UGGT2: variants seen among roughly 807,000 people sequenced by gnomAD.
The protein encoded by UGGT2 is UDP-glucose:glycoprotein glucosyltransferase 2.
Under a neutral mutation model 192.1 loss-of-function variants are expected in UGGT2, and 180 were observed. The ratio of observed to expected loss-of-function variants is 0.94; its 90% CI spans 0.83 to 1.06. The LOEUF (loss-of-function observed/expected upper bound fraction) is 1.06, where lower values mean the gene tolerates loss of function less well. Among genes scored for constraint, UGGT2 ranks in the 50% least tolerant of loss-of-function variants. The pLI is 0.00. For synonymous variants in UGGT2, 580 were observed against 591.0 expected (o/e 0.98, Z 0.27); for missense variants, 1,849 against 1,795.7 (o/e 1.03, Z -0.54).
intron 5 of UGGT2, among the ~76,000 whole-genome samples, chr13:96,008,017 C>A (rs985877958): frequency 2.6e-5 from 4 of 152,136 alleles, no homozygotes; most frequent in Admixed American, 6.5e-5. Context: ...CTATCTCTCA[C>A]CATATACAAA....
Position 95,986,440 on chromosome 13 carries a change from GA to G in UGGT2, c.932-9del, listed in dbSNP as rs1233399152. Reference sequence around the variant, plus strand: ...CTGCTTGAAAACTAAGATCTGGAAGGAAAAATATTATTAAGGAATCTAGCAT... The same window carrying G: ...CTGCTTGAAAACTAAGATCTGGAAGGAAAATATTATTAAGGAATCTAGCAT... On this transcript the variant is annotated splice_polypyrimidine_tract_variant and intron_variant, in intron 8 of 38. Coordinates refer to ENST00000376747, the MANE Select transcript of UGGT2 (RefSeq NM_020121.4). 1.2e-5 allele frequency: 19 copies of G among 1,556,444 alleles called. No individual in the cohort carries two copies. In the African/African-American group the frequency reaches 2.3e-4, roughly 19 times the overall value.
intron 33 of UGGT2, 112 bp downstream of exon 33, chr13:95,859,479 C>A: frequency 7.0e-6 from 6 of 861,682 alleles, no homozygotes; most frequent in South Asian, 3.7e-5. Flanking sequence ...TACTAAATAC[C>A]ATTTTTTCAA....
chr13:95,992,163 C>T (rs900153332), intron 7 of UGGT2, among the ~76,000 whole-genome samples: 3 of 151,796 alleles, frequency 2.0e-5, no homozygotes, highest in African/African-American at 4.8e-5. Context: ...AGCTAGACTC[C>T]GTCTCAAAGA....
In UGGT2 at chr13:95,849,518, G is replaced by A. The variant is rs141916474; in HGVS notation, c.4284+4025C>T. On this transcript the variant is annotated intron_variant, in intron 36 of 38. Coordinates refer to ENST00000376747, the MANE Select transcript of UGGT2 (RefSeq NM_020121.4). ...AGATAGTGCCATTGCACTCCGGCCT[G>A]GGCAACAGAGTGAGACTCTGTCTCA... Among the ~76,000 whole-genome samples the A allele has an allele frequency of 6.7e-5, 10 of 149,600 alleles. No homozygotes were observed. The East Asian group carries it at 2.0e-3, about 29-fold the overall frequency.
Position 95,879,895 on chromosome 13 carries a change from A to AT in UGGT2, c.3229-2040dup, listed in dbSNP as rs77881466. Among the ~76,000 whole-genome samples, 11 of 151,828 alleles carry AT rather than the reference A, an allele frequency of 7.2e-5. No individual in the cohort carries two copies. The South Asian group carries it at 8.3e-4, about 11-fold the overall frequency. On this transcript the variant is annotated intron_variant, in intron 27 of 38. Transcript: ENST00000376747. ...CAAATATAACCTTGAGAATGTATTA[A>AT]TTTTTTTTTATTATACTTTAAATTC...
chr13:95,872,129 C>T (rs1891277744), intron 29 of UGGT2, among the ~76,000 whole-genome samples: 1 of 152,212 alleles, frequency 6.6e-6, no homozygotes, highest in African/African-American at 2.4e-5. Context: ...ATCTAATATT[C>T]TCTACAATTA....
At chr13:95,977,634 C>A (rs1203148347) in intron 10 of UGGT2, among the ~76,000 whole-genome samples, 4 of 152,060 alleles carry the variant, frequency 2.6e-5, no homozygotes, top group African/African-American at 9.7e-5. Flanking sequence ...AAGACAGTGT[C>A]GATTCCTCAA....
chr13:96,040,907 T>C (rs2053146555), intron 1 of UGGT2, among the ~76,000 whole-genome samples: 1 of 152,084 alleles, frequency 6.6e-6, no homozygotes, highest in Admixed American at 6.6e-5. Flanking sequence ...TGGAGCTAAG[T>C]GTGAGATCAG....
Position 95,902,774 on chromosome 13 carries a change from C to G in UGGT2, c.2502+80G>C. 6.8e-6 allele frequency: 9 copies of G among 1,330,134 alleles called. No homozygotes were observed. In the South Asian group the frequency reaches 1.3e-4, roughly 19 times the overall value. The allele number at this position is 1,330,134 out of a possible 1,614,324, so 82.4% of individuals were successfully genotyped here. On this transcript the variant is annotated intron_variant, in intron 21 of 38. Coordinates refer to ENST00000376747, the MANE Select transcript of UGGT2 (RefSeq NM_020121.4). ...TTTGTTTAAATCTACCATTGTTTTT[C>G]AGTAACAATATCTCCAAATACACTC...
At position 95,837,182 on chromosome 13, in the gene UGGT2, A is replaced by T. The variant is rs1887383205; in HGVS notation, c.4305T>A (p.Ile1435=). 1.2e-6 allele frequency: 2 copies of T among 1,613,494 alleles called. No individual in the cohort carries two copies. Among genetic ancestry groups the T allele is most frequent in the Admixed American group, 1.7e-5 (1 of 59,966 alleles). ...NLDQDLPNNM[I]YQVAIKSLPQ... ...GAAGAGACTTAATGGCGACTTGGTA[A>T]ATCATATTATTGGGGAGATCCTACA... is the stretch of plus-strand genomic sequence containing the variant. Residue 1435 remains isoleucine (I), a synonymous_variant, in exon 37 of 39, where the codon ATT becomes ATA. Coordinates refer to ENST00000376747, the MANE Select transcript of UGGT2 (RefSeq NM_020121.4).
chr13:95,802,440 C>T (rs1884102668), intron 38 of UGGT2, among the ~76,000 whole-genome samples: 1 of 152,068 alleles, frequency 6.6e-6, no homozygotes, highest in Admixed American at 6.5e-5. Context: ...TTCAAGATGG[C>T]AGACTATATT....
At chr13:95,993,234 G>T (rs1242575516) in intron 7 of UGGT2, among the ~76,000 whole-genome samples, 1 of 152,018 alleles carries the variant, frequency 6.6e-6, no homozygotes, top group East Asian at 1.9e-4. Flanking sequence ...TAGATACTGG[G>T]GTCTATTAGA....
At chr13:95,990,975 T>C (rs1017061819) in intron 7 of UGGT2, 4 of 152,314 alleles carry the variant, frequency 2.6e-5, no homozygotes, top group East Asian at 1.9e-4. Context: ...CATGTGGTGT[T>C]TGGTTTTCTG....
chr13:95,947,881 C>A, intron 14 of UGGT2, 115 bp downstream of exon 14: 1 of 732,260 alleles, frequency 1.4e-6, no homozygotes, highest in Admixed American at 2.5e-5. Context: ...TGTGTTATGT[C>A]AGGCACTAGA....
At chr13:95,942,180 G>A (rs1041954948) in intron 15 of UGGT2, among the ~76,000 whole-genome samples, 7 of 150,908 alleles carry the variant, frequency 4.6e-5, no homozygotes, top group Non-Finnish European at 8.8e-5. Flanking sequence ...GCTAACAATA[G>A]CCTCCTAAGG....
At chr13:95,905,904 G>C (rs576261806) in intron 20 of UGGT2, among the ~76,000 whole-genome samples, 1 of 151,984 alleles carries the variant, frequency 6.6e-6, no homozygotes, top group African/African-American at 2.4e-5. Context: ...CGTGAAAAGG[G>C]GGAAGTGTCA....
At chr13:95,953,161 T>A (rs1405939364) in intron 12 of UGGT2, among the ~76,000 whole-genome samples, 1 of 152,222 alleles carries the variant, frequency 6.6e-6, no homozygotes, top group East Asian at 1.9e-4. Flanking sequence ...CAAAGCTGGC[T>A]GTAATAAAAG....
chr13:95,959,849 C>T (rs556772643), intron 12 of UGGT2, among the ~76,000 whole-genome samples: 17 of 152,256 alleles, frequency 1.1e-4, no homozygotes, highest in African/African-American at 3.6e-4. Flanking sequence ...CTAGTGTACA[C>T]CACCCTGGGG....
At chr13:95,884,197 A>C (rs2047579492) in intron 27 of UGGT2, among the ~76,000 whole-genome samples, 1 of 152,072 alleles carries the variant, frequency 6.6e-6, no homozygotes, top group Non-Finnish European at 1.5e-5. Flanking sequence ...GTTCCTCTCT[A>C]TATTTTTGAC....
Sources: allele counts gnomAD v4.1 joint callset (sites outside exome capture counted in the v4.1 genomes callset), GRCh38; gene constraint gnomAD v4.1.1; transcripts MANE v1.5; gene names NCBI Gene and HGNC (gene_info 2026-07-23, HGNC 2026-07-21).